The following KMT2C variants were observed in gnomAD, a reference collection of about 807,000 sequenced individuals.
KMT2C encodes the protein lysine methyltransferase 2C.
KMT2C carries 88 observed loss-of-function variants against 507.9 expected under a neutral mutation model. The observed-to-expected ratio is 0.17, with a 90% CI of 0.15 to 0.21. The LOEUF (loss-of-function observed/expected upper bound fraction) is 0.21. Among genes scored for constraint, KMT2C ranks in the 10% least tolerant of loss-of-function variants. The probability of loss-of-function intolerance (pLI) is 1.00; values close to 1 mark genes in which losing one functional copy is unlikely to be tolerated. For synonymous variants in KMT2C, 2,049 were observed against 2,080.8 expected, an observed-to-expected ratio of 0.98 and a Z score of 0.42; for missense variants, 4,954 against 5,957.8, an observed-to-expected ratio of 0.83 and a Z score of 5.55.
chr7:152,353,085 TA>T (rs1370509053), intron 2 of KMT2C, among the ~76,000 whole-genome samples: 1 of 152,008 alleles, frequency 6.6e-6, no homozygotes, highest in African/African-American at 2.4e-5. Context: ...TTTATTCATA[TA>T]AAAAAAATGC....
chr7:152,309,865 C>A, intron 6 of KMT2C, 101 bp downstream of exon 6: 1 of 757,476 alleles, frequency 1.3e-6, no homozygotes. Context: ...ATTTTGAGAG[C>A]TTTTACACTA....
chr7:152,362,534 T>G (rs1431634177), intron 1 of KMT2C, among the ~76,000 whole-genome samples: 1 of 152,210 alleles, frequency 6.6e-6, no homozygotes, highest in African/African-American at 2.4e-5. Flanking sequence ...CATGCCATTA[T>G]GGAGGTAGAG....
rs3839689 is a variant in KMT2C, at chr7:152,201,293, GACACACACACAC to G, written c.4092+1629_4092+1640del. 1.2e-3 allele frequency among the ~76,000 whole-genome samples: 168 copies of G among 137,052 alleles called. No homozygotes were observed. In the East Asian group the frequency reaches 0.019, roughly 15 times the overall value. The allele number at this position is 137,052 out of a possible 152,430, so 89.9% of individuals were successfully genotyped here. On this transcript the variant is annotated intron_variant, in intron 26 of 58. Coordinates refer to ENST00000262189, the MANE Select transcript of KMT2C (RefSeq NM_170606.3). ...CCCTCATGTCACACATACAGACACA[GACACACACACAC>G]ACACACACACACACACACACACACA... is the stretch of plus-strand genomic sequence containing the variant.
intron 55 of KMT2C, among the ~76,000 whole-genome samples, chr7:152,141,333 AAAT>A (rs2090511509): frequency 6.6e-6 from 1 of 151,766 alleles, no homozygotes. Flanking sequence ...CAGAAAAGAG[AAAT>A]AGATCCCTGC....
In KMT2C at chr7:152,435,920, G is replaced by A. The variant is rs988086644; in HGVS notation, c.-134C>T. On this transcript the variant is annotated 5_prime_UTR_variant, in exon 1 of 59. Coordinates refer to ENST00000262189, the MANE Select transcript of KMT2C (RefSeq NM_170606.3). ...GCCTCTCGCATTTCCCGCAGCCCCG[G>A]GAGCAGCAGCAGGTACCGGGAGAGG... 7.7e-5 allele frequency: 75 copies of A among 980,164 alleles called. No homozygotes were observed. Among genetic ancestry groups the A allele is most frequent in the Non-Finnish European group, 1.0e-4 (74 of 708,726 alleles). The allele number at this position is 980,164 out of a possible 1,614,324, so 60.7% of individuals were successfully genotyped here.
At chr7:152,204,394 A>T (rs1388143634) in intron 25 of KMT2C, among the ~76,000 whole-genome samples, 3 of 152,174 alleles carry the variant, frequency 2.0e-5, no homozygotes, top group Non-Finnish European at 4.4e-5. Flanking sequence ...CAGGAGTTGC[A>T]GGCCAGCCTG....
At position 152,248,346 on chromosome 7, in the gene KMT2C, T is replaced by A. The variant is rs2129164279; in HGVS notation, c.2088A>T (p.Leu696=). The change falls in exon 14 of 59, where the codon CTA becomes CTT. Residue 696 remains leucine (L), a synonymous_variant. Coordinates refer to ENST00000262189, the MANE Select transcript of KMT2C (RefSeq NM_170606.3). Reference sequence around the variant, plus strand: ...CCTCATGTGGGGACACTAAGGTTTCTAGTGGAAGAGTGACAGATTCCATGA... The same window carrying A: ...CCTCATGTGGGGACACTAAGGTTTCAAGTGGAAGAGTGACAGATTCCATGA... ...KLVMESVTLP[L]ETLVSPHEES... The A allele has an allele frequency of 6.2e-7, 1 of 1,613,960 alleles. No homozygotes were observed. The highest frequency in any genetic ancestry group is 1.1e-5 in the South Asian group (1 of 91,070).
intron 6 of KMT2C, among the ~76,000 whole-genome samples, chr7:152,290,252 GTATGTGTATATATATATATATATATA>G (rs2096391894): frequency 1.7e-5 from 1 of 57,944 alleles, no homozygotes; most frequent in Non-Finnish European, 2.9e-5. Flanking sequence ...GTGTGTGTGT[GTATGTGTATATATATATATATATATA>G]TATATATATA....
chr7:152,136,948 TAAGAAAGGACAGC>T, intron 58 of KMT2C, 24 bp from the exon 59 acceptor site: 3 of 1,580,628 alleles, frequency 1.9e-6, no homozygotes, highest in Non-Finnish European at 2.6e-6. Flanking sequence ...AGACACAGGG[TAAGAAAGGACAGC>T]AAGGAAGGCA....
At chr7:152,368,596 C>A in intron 1 of KMT2C, 2 of 1,424,718 alleles carry the variant, frequency 1.4e-6, no homozygotes, top group Non-Finnish European at 2.0e-6. Context: ...AGCTCAACAA[C>A]ATATTTTAGA....
chr7:152,372,842 C>T (rs1475030274), intron 1 of KMT2C, among the ~76,000 whole-genome samples: 2 of 152,158 alleles, frequency 1.3e-5, no homozygotes, highest in Admixed American at 6.6e-5. Flanking sequence ...CAGACTTGAA[C>T]ATTACAGACT....
At chr7:152,317,199 T>G (rs2096729951) in intron 3 of KMT2C, among the ~76,000 whole-genome samples, 1 of 152,166 alleles carries the variant, frequency 6.6e-6, no homozygotes, top group African/African-American at 2.4e-5. Flanking sequence ...CCTCAGAAAT[T>G]TTGCCAGACA....
At chr7:152,224,837 C>T (rs192556727) in intron 18 of KMT2C, among the ~76,000 whole-genome samples, 14 of 152,212 alleles carry the variant, frequency 9.2e-5, no homozygotes, top group East Asian at 7.7e-4. Flanking sequence ...CATATTTTAA[C>T]GCCTTTTTAA....
intron 1 of KMT2C, among the ~76,000 whole-genome samples, chr7:152,381,532 TC>T (rs2097374134): frequency 6.6e-6 from 1 of 152,222 alleles, no homozygotes; most frequent in Admixed American, 6.5e-5. Context: ...TATTCCCTCT[TC>T]CATAGTAATT....
chr7:152,184,464 G>A (rs1047754161), intron 34 of KMT2C, among the ~76,000 whole-genome samples: 5 of 152,108 alleles, frequency 3.3e-5, no homozygotes, highest in Non-Finnish European at 5.9e-5. Flanking sequence ...TATGAACTGC[G>A]AATCTTATAA....
intron 1 of KMT2C, among the ~76,000 whole-genome samples, chr7:152,393,158 GT>G (rs1435560945): frequency 6.6e-6 from 1 of 152,126 alleles, no homozygotes; most frequent in Non-Finnish European, 1.5e-5. Flanking sequence ...ACACATGATA[GT>G]TTTATAAAGA....
intron 6 of KMT2C, among the ~76,000 whole-genome samples, chr7:152,276,950 A>G (rs1468118447): frequency 6.6e-6 from 1 of 152,200 alleles, no homozygotes; most frequent in Non-Finnish European, 1.5e-5. Context: ...AATAACAACA[A>G]CAACAAAAAC....
intron 1 of KMT2C, among the ~76,000 whole-genome samples, chr7:152,380,214 T>C (rs1262816708): frequency 6.8e-6 from 1 of 146,388 alleles, no homozygotes; most frequent in East Asian, 2.1e-4. Flanking sequence ...CACTCCAGGA[T>C]GGGCAACAGA....
intron 54 of KMT2C, 129 bp from the exon 55 acceptor site, chr7:152,145,010 G>C: frequency 7.4e-7 from 1 of 1,357,764 alleles, no homozygotes; most frequent in Non-Finnish European, 1.0e-6. Context: ...GCCTAGCAGA[G>C]ACACACGGCG....
Sources: allele counts gnomAD v4.1 joint callset (sites outside exome capture counted in the v4.1 genomes callset), GRCh38; gene constraint gnomAD v4.1.1; transcripts MANE v1.5; gene names NCBI Gene and HGNC (gene_info 2026-07-23, HGNC 2026-07-21).